Variants in SHROOM3 observed in about 807,000 individuals in gnomAD.
SHROOM3 encodes the protein shroom family member 3, also known as protein Shroom3.
In SHROOM3, 47 loss-of-function variants were observed where a neutral mutation model predicts 138.6. That is an observed-to-expected ratio of 0.34 (90% confidence interval 0.27 to 0.43). The LOEUF (loss-of-function observed/expected upper bound fraction) is 0.43, where lower values mean the gene tolerates loss of function less well. Ranked by LOEUF, SHROOM3 falls within the 20% of genes least tolerant of loss-of-function variation. SHROOM3 has a pLI of 1.00. For synonymous variants in SHROOM3, 1,062 were observed against 1,063.3 expected, an observed-to-expected ratio of 1.00 and a Z score of 0.02; for missense variants, 2,491 against 2,596.5, an observed-to-expected ratio of 0.96 and a Z score of 0.88.
At chr4:76,746,553 A>T (rs541535879) in intron 5 of SHROOM3, among the ~76,000 whole-genome samples, 1 of 152,156 alleles carries the variant, frequency 6.6e-6, no homozygotes, top group East Asian at 1.9e-4. Context: ...CAAGGACAAA[A>T]TTGCCTAATG....
At position 76,675,146 on chromosome 4, in the gene SHROOM3, A is replaced by G. The variant is rs923264770; in HGVS notation, c.324-35010A>G. On this transcript the variant is annotated intron_variant, in intron 2 of 10. Transcript: ENST00000296043. Reference sequence around the variant, plus strand: ...ACCAATGTTCCCTTCAGACATGAATATGAACATAGACCAGAGATAAACAAG... The same window carrying G: ...ACCAATGTTCCCTTCAGACATGAATGTGAACATAGACCAGAGATAAACAAG... Among the ~76,000 whole-genome samples, 5 of 152,332 alleles carry G rather than the reference A, an allele frequency of 3.3e-5. No individual in the cohort carries two copies. In the East Asian group the frequency reaches 9.6e-4, roughly 29 times the overall value.
intron 1 of SHROOM3, among the ~76,000 whole-genome samples, chr4:76,483,956 C>T (rs1331426718): frequency 6.8e-6 from 1 of 146,572 alleles, no homozygotes; most frequent in Non-Finnish European, 1.5e-5. Context: ...AACATGTGGA[C>T]ACAGGGAGGG....
At chr4:76,502,560 C>G (rs1732121072) in intron 1 of SHROOM3, among the ~76,000 whole-genome samples, 1 of 152,118 alleles carries the variant, frequency 6.6e-6, no homozygotes, top group African/African-American at 2.4e-5. Flanking sequence ...GTAGAATCTG[C>G]CAGAGAATTG....
chr4:76,759,629 C>T lies in SHROOM3; in HGVS notation c.5283C>T (p.Asn1761=). ...CTGCTCCCAAGGCTGAGCTACTGAA[C>T]AAAATCAAAGAGATGCCAGCAGAAG... is the stretch of plus-strand genomic sequence containing the variant. The part of the protein sequence containing the change: ...SVSAPKAELL[N]KIKEMPAEVN... Residue 1761 remains asparagine (N), a synonymous_variant, in exon 9 of 11, where the codon AAC becomes AAT. Coordinates refer to ENST00000296043, the MANE Select transcript of SHROOM3 (RefSeq NM_020859.4). 2 of 1,614,094 alleles carry T rather than the reference C, an allele frequency of 1.2e-6. No homozygotes were observed. Among genetic ancestry groups the T allele is most frequent in the Non-Finnish European group, 1.7e-6 (2 of 1,180,026 alleles).
At chr4:76,635,421 G>A (rs537692952) in intron 2 of SHROOM3, among the ~76,000 whole-genome samples, 1 of 152,120 alleles carries the variant, frequency 6.6e-6, no homozygotes, top group Non-Finnish European at 1.5e-5. Context: ...GAAAAAACCA[G>A]AACCAAAAAA....
Position 76,664,969 on chromosome 4 carries a change from A to G in SHROOM3, c.324-45187A>G, listed in dbSNP as rs1269886275. On this transcript the variant is annotated intron_variant, in intron 2 of 10. Coordinates refer to ENST00000296043, the MANE Select transcript of SHROOM3 (RefSeq NM_020859.4). The surrounding 1 kb of genome is among the most constrained non-coding windows in gnomAD (Gnocchi z 4.2). Reference sequence around the variant, plus strand: ...AGTTTGAGACCAGCCTGGGCAACACAGTGAGACCACGTCTCAAAAATATAT... The same window carrying G: ...AGTTTGAGACCAGCCTGGGCAACACGGTGAGACCACGTCTCAAAAATATAT... Among the ~76,000 whole-genome samples the G allele has an allele frequency of 6.6e-6, 1 of 152,118 alleles. No individual in the cohort carries two copies.
intron 2 of SHROOM3, among the ~76,000 whole-genome samples, chr4:76,591,865 T>C (rs1734280369): frequency 6.6e-6 from 1 of 152,240 alleles, no homozygotes; most frequent in Non-Finnish European, 1.5e-5. Context: ...GCTGGGTTTC[T>C]AGGTACCGAG....
chr4:76,728,326 A>G (rs558395831), intron 3 of SHROOM3, among the ~76,000 whole-genome samples: 2 of 152,318 alleles, frequency 1.3e-5, no homozygotes, highest in South Asian at 2.1e-4. Context: ...AGTCTTTCCC[A>G]TGCTGTTCTC....
intron 9 of SHROOM3, among the ~76,000 whole-genome samples, chr4:76,761,029 G>GT (rs553348982): frequency 1.3e-4 from 20 of 151,102 alleles, no homozygotes; most frequent in African/African-American, 3.4e-4. Flanking sequence ...ATTTTTAAGT[G>GT]TTTTTTTTTC....
intron 2 of SHROOM3, among the ~76,000 whole-genome samples, chr4:76,591,101 T>A (rs1388398987): frequency 6.6e-6 from 1 of 152,142 alleles, no homozygotes; most frequent in Non-Finnish European, 1.5e-5. Context: ...AAACTGAGGT[T>A]TTTCCTCAGG....
At chr4:76,556,211 T>G (rs1421656937) in intron 2 of SHROOM3, among the ~76,000 whole-genome samples, 2 of 152,232 alleles carry the variant, frequency 1.3e-5, no homozygotes, top group African/African-American at 4.8e-5. Flanking sequence ...GTTGTTTTGT[T>G]TTCTGGTCTC....
rs142571482 is a variant in SHROOM3, at chr4:76,442,983, A to G, written c.168+6763A>G. 7.3e-4 allele frequency among the ~76,000 whole-genome samples: 111 copies of G among 152,356 alleles called. 2 individuals carry two copies. The East Asian group carries it at 0.02, about 27-fold the overall frequency. ...GGCCAGTGTGCACACAGGTTACTAG[A>G]AAAACCTGTTTAAAAACTAAGGCAA... On this transcript the variant is annotated intron_variant, in intron 1 of 10. Coordinates refer to ENST00000296043, the MANE Select transcript of SHROOM3 (RefSeq NM_020859.4).
chr4:76,558,911 G>A (rs532371373), intron 2 of SHROOM3, among the ~76,000 whole-genome samples: 1 of 152,306 alleles, frequency 6.6e-6, no homozygotes, highest in South Asian at 2.1e-4. Flanking sequence ...TGGCTGCCAG[G>A]CGGCCAGAGA....
At chr4:76,712,923 G>A (rs1360388214) in intron 3 of SHROOM3, among the ~76,000 whole-genome samples, 2 of 152,200 alleles carry the variant, frequency 1.3e-5, no homozygotes, top group East Asian at 1.9e-4. Flanking sequence ...TGGACAGCAT[G>A]TTGCTGTACT....
In SHROOM3 at chr4:76,462,152, G is replaced by C. The variant is rs565247023; in HGVS notation, c.168+25932G>C. On this transcript the variant is annotated intron_variant, in intron 1 of 10. Transcript: ENST00000296043. Reference sequence around the variant, plus strand: ...ACCTGTAATCTCAGCACCTTGGGAGGCGAAGATGGGCAGATCACTTGAGGT... The same window carrying C: ...ACCTGTAATCTCAGCACCTTGGGAGCCGAAGATGGGCAGATCACTTGAGGT... Among the ~76,000 whole-genome samples, 3 of 152,272 alleles carry C rather than the reference G, an allele frequency of 2.0e-5. No homozygotes were observed. In the South Asian group the frequency reaches 6.2e-4, roughly 32 times the overall value.
intron 6 of SHROOM3, among the ~76,000 whole-genome samples, chr4:76,752,433 A>G (rs1366889442): frequency 2.6e-5 from 4 of 152,012 alleles, no homozygotes; most frequent in Admixed American, 2.6e-4. Flanking sequence ...ATGAAATTTT[A>G]TGTTGTTTTT....
At chr4:76,711,378 G>T (rs1202829401) in intron 3 of SHROOM3, among the ~76,000 whole-genome samples, 1 of 152,198 alleles carries the variant, frequency 6.6e-6, no homozygotes, top group Non-Finnish European at 1.5e-5. Context: ...TGTTATCATA[G>T]TAACCAATTA....
chr4:76,617,712 T>C (rs181417258), intron 2 of SHROOM3, among the ~76,000 whole-genome samples: 27 of 152,332 alleles, frequency 1.8e-4, no homozygotes, highest in Non-Finnish European at 3.7e-4. Flanking sequence ...GTTTTCTGAG[T>C]TCCAGGAATT....
At chr4:76,464,740 G>C (rs1347309033) in intron 1 of SHROOM3, among the ~76,000 whole-genome samples, 1 of 152,072 alleles carries the variant, frequency 6.6e-6, no homozygotes, top group South Asian at 2.1e-4. Context: ...CATGAGATCT[G>C]GTTGTTTGAA....
Sources: allele counts gnomAD v4.1 joint callset (sites outside exome capture counted in the v4.1 genomes callset), GRCh38; gene constraint gnomAD v4.1.1; non-coding constraint Gnocchi (gnomAD v3.1); transcripts MANE v1.5; gene names NCBI Gene and HGNC (gene_info 2026-07-23, HGNC 2026-07-21).